Variants in TBC1D22B observed in about 807,000 individuals in gnomAD.
TBC1D22B encodes chromosome 6 open reading frame 197.
A neutral mutation model predicts 69.1 loss-of-function variants in TBC1D22B; 32 were observed. That is an observed-to-expected ratio of 0.46 (90% CI 0.35 to 0.62). The LOEUF (loss-of-function observed/expected upper bound fraction) is 0.62. TBC1D22B is among the 20% of genes least tolerant of loss of function. TBC1D22B has a pLI of 0.00. For missense variants in TBC1D22B, 462 were observed against 630.9 expected, an observed-to-expected ratio of 0.73 and a Z score of 2.87; for synonymous variants, 206 against 229.8, an observed-to-expected ratio of 0.90 and a Z score of 0.94.
In TBC1D22B at chr6:37,312,968, C is replaced by T. The variant is rs116200452; in HGVS notation, c.1033C>T (p.Arg345Ter). The T allele has an allele frequency of 1.9e-6, 3 of 1,614,186 alleles. No individual in the cohort carries two copies. The highest frequency in any genetic ancestry group is 1.1e-5 in the South Asian group (1 of 91,086). ...GACCAACTTGTCTCAAGACATGCTG[C>T]GAAGCATTGAGGCTGACAGCTTTTG... Reference protein sequence around the residue: ...DVTNLSQDMLRSIEADSFWCM... With the variant: ...DVTNLSQDML The change falls in exon 9 of 13, where the codon CGA becomes TGA. Residue 345 changes from arginine (R) to a stop codon, truncating the protein, a stop_gained. Coordinates refer to ENST00000373491, the MANE Select transcript of TBC1D22B (RefSeq NM_017772.4). LOFTEE classifies it high-confidence loss of function.
intron 1 of TBC1D22B, among the ~76,000 whole-genome samples, chr6:37,262,141 C>T (rs938946997): frequency 1.6e-4 from 24 of 150,958 alleles, no homozygotes; most frequent in Non-Finnish European, 3.1e-4. Context: ...AACGAGTCTC[C>T]TGCCTCAGCC....
rs138557805 is a variant in TBC1D22B at position 37,325,227 on chromosome 6, G to T, written c.1390-5817G>T. ...TCTGCCATATTGCCTTTTCCTGTGT[G>T]AATTTTCAGCAGGTACCTGTGCCTG... On this transcript the variant is annotated intron_variant, in intron 12 of 12. Transcript: ENST00000373491. Among the ~76,000 whole-genome samples the T allele has an allele frequency of 7.2e-5, 11 of 152,130 alleles. No homozygotes were observed. In the East Asian group the frequency reaches 1.5e-3, roughly 21 times the overall value.
intron 9 of TBC1D22B, 57 bp from the exon 10 acceptor site, chr6:37,313,759 T>C (rs967541439): frequency 1.3e-6 from 2 of 1,515,562 alleles, no homozygotes; most frequent in African/African-American, 2.7e-5. Context: ...TCAGTGAATG[T>C]CAGGTGATAA....
intron 1 of TBC1D22B, among the ~76,000 whole-genome samples, chr6:37,267,445 ATAAT>A (rs1210570455): frequency 3.5e-5 from 5 of 143,194 alleles, no homozygotes; most frequent in East Asian, 2.0e-4. Context: ...ACACACATAT[ATAAT>A]ATATATATAC....
chr6:37,288,048 C>T (rs7773185), intron 7 of TBC1D22B, among the ~76,000 whole-genome samples: 4,853 of 152,280 alleles, frequency 0.032, 243 homozygotes, highest in African/African-American at 0.11. Context: ...ACACTAAGTA[C>T]TAGTGCTCTT....
intron 8 of TBC1D22B, among the ~76,000 whole-genome samples, chr6:37,305,416 G>A (rs1767681227): frequency 6.6e-6 from 1 of 152,162 alleles, no homozygotes; most frequent in African/African-American, 2.4e-5. Context: ...GACTTCAGAA[G>A]TCCCTTTGTG....
intron 1 of TBC1D22B, among the ~76,000 whole-genome samples, chr6:37,263,296 A>G (rs537778439): frequency 1.5e-4 from 23 of 152,364 alleles, no homozygotes; most frequent in African/African-American, 5.1e-4. Flanking sequence ...AACATATGTT[A>G]TATTTGTAAT....
chr6:37,276,407 T>C (rs1482401092), intron 2 of TBC1D22B, among the ~76,000 whole-genome samples: 3 of 152,156 alleles, frequency 2.0e-5, no homozygotes, highest in African/African-American at 7.2e-5. Flanking sequence ...TTGGTTGAAT[T>C]TGGGGTTTTG....
At position 37,323,351 on chromosome 6, in the gene TBC1D22B, G is replaced by T. The variant is rs1768304325; in HGVS notation, c.1389+6145G>T. On this transcript the variant is annotated intron_variant, in intron 12 of 12. Coordinates refer to ENST00000373491, the MANE Select transcript of TBC1D22B (RefSeq NM_017772.4). The stretch of plus-strand genomic sequence containing the variant: ...GAGAGCACCCTGGGCAACATAGGGA[G>T]ACCCTGTCTCTAAAAAAAATATTTA... Among the ~76,000 whole-genome samples, 5 of 152,244 alleles carry T rather than the reference G, an allele frequency of 3.3e-5. No individual in the cohort carries two copies. In the East Asian group the frequency reaches 5.8e-4, roughly 18 times the overall value.
chr6:37,302,349 C>G (rs759528390), intron 8 of TBC1D22B, among the ~76,000 whole-genome samples: 2 of 152,188 alleles, frequency 1.3e-5, no homozygotes, highest in Non-Finnish European at 2.9e-5. Context: ...GGAATCTTAT[C>G]TCTGAGACTG....
Position 37,291,224 on chromosome 6 carries a change from T to G in TBC1D22B, c.868-19T>G. The G allele has an allele frequency of 1.3e-6, 2 of 1,561,508 alleles. No homozygotes were observed. Among genetic ancestry groups the G allele is most frequent in the African/African-American group, 1.4e-5 (1 of 73,956 alleles). ...TCCCCGTGATTTAACACTCGTGTCTTTCTTTCTCATTTTCCTAGATCTTTG... is the reference window on the plus strand; with the variant it reads ...TCCCCGTGATTTAACACTCGTGTCTGTCTTTCTCATTTTCCTAGATCTTTG... On this transcript the variant is annotated intron_variant, in intron 7 of 12. Coordinates refer to ENST00000373491, the MANE Select transcript of TBC1D22B (RefSeq NM_017772.4).
chr6:37,262,133 C>T (rs1306243482), intron 1 of TBC1D22B, among the ~76,000 whole-genome samples: 1 of 149,630 alleles, frequency 6.7e-6, no homozygotes, highest in Non-Finnish European at 1.5e-5. Context: ...CAGGATTAAA[C>T]GAGTCTCCTG....
At chr6:37,300,571 A>G (rs1427284683) in intron 8 of TBC1D22B, among the ~76,000 whole-genome samples, 9 of 152,032 alleles carry the variant, frequency 5.9e-5, no homozygotes, top group Admixed American at 2.6e-4. Context: ...CACGCTGGCC[A>G]GGCTGGTCTG....
intron 7 of TBC1D22B, among the ~76,000 whole-genome samples, chr6:37,289,383 C>T (rs1412027061): frequency 2.0e-5 from 3 of 152,162 alleles, no homozygotes; most frequent in African/African-American, 7.2e-5. Context: ...CAGGATTATC[C>T]CAGACTTTTT....
intron 8 of TBC1D22B, among the ~76,000 whole-genome samples, chr6:37,308,796 T>C (rs1447977586): frequency 1.3e-5 from 2 of 152,184 alleles, no homozygotes; most frequent in African/African-American, 2.4e-5. Context: ...TAAGTTTGGC[T>C]GTGAATAATA....
At chr6:37,285,315 CTTTTTTTT>C (rs756459599) in intron 6 of TBC1D22B, among the ~76,000 whole-genome samples, 21 of 73,564 alleles carry the variant, frequency 2.9e-4, no homozygotes, top group East Asian at 4.9e-4. Context: ...TCCTTCCCCA[CTTTTTTTT>C]TTTTTTTTTT....
chr6:37,285,689 C>T lies in TBC1D22B; in HGVS notation c.801+1225C>T, dbSNP rs190344387. On this transcript the variant is annotated intron_variant, in intron 6 of 12. Coordinates refer to ENST00000373491, the MANE Select transcript of TBC1D22B (RefSeq NM_017772.4). Reference sequence around the variant, plus strand: ...TGTAATTTTAGTAGAGATGGGGTTTCGCCATGTTGGCCAGGCTGGTCTTGA... The same window carrying T: ...TGTAATTTTAGTAGAGATGGGGTTTTGCCATGTTGGCCAGGCTGGTCTTGA... 1.7e-3 allele frequency among the ~76,000 whole-genome samples: 252 copies of T among 152,300 alleles called. 1 individual carries two copies. Among genetic ancestry groups the T allele is most frequent in the African/African-American group, 5.4e-3 (225 of 41,568 alleles).
At position 37,257,916 on chromosome 6, in the gene TBC1D22B, C is replaced by G; in HGVS notation, c.-2C>G. On this transcript the variant is annotated 5_prime_UTR_variant, in exon 1 of 13. Coordinates refer to ENST00000373491, the MANE Select transcript of TBC1D22B (RefSeq NM_017772.4). The stretch of plus-strand genomic sequence containing the variant: ...CTACAAGGACTTCCCCCGGCCAGAG[C>G]AATGGCCGCTGAGAACAGCAAGCAG... 1 of 1,613,716 alleles carries G rather than the reference C, an allele frequency of 6.2e-7. No individual in the cohort carries two copies. Among genetic ancestry groups the G allele is most frequent in the Non-Finnish European group, 8.5e-7 (1 of 1,179,864 alleles).
intron 12 of TBC1D22B, among the ~76,000 whole-genome samples, chr6:37,328,038 G>C (rs1251826260): frequency 6.6e-6 from 1 of 152,188 alleles, no homozygotes; most frequent in Admixed American, 6.5e-5. Flanking sequence ...GGTGGGCCAG[G>C]CGCGGTAGCT....
Sources: gnomAD v4.1 joint callset for allele counts (sites outside exome capture counted in the v4.1 genomes callset) on GRCh38, gnomAD v4.1.1 for gene constraint, MANE v1.5 for transcripts, NCBI Gene and HGNC (gene_info 2026-07-23, HGNC 2026-07-21) for gene names.